Variants in NCOR2 observed in about 807,000 individuals in gnomAD.
The protein encoded by NCOR2 is nuclear receptor corepressor 2.
In NCOR2, 81 loss-of-function variants were observed where a neutral mutation model predicts 262.9. The ratio of observed to expected loss-of-function variants is 0.31; its 90% CI spans 0.26 to 0.37. The LOEUF (loss-of-function observed/expected upper bound fraction) is 0.37, where lower values mean the gene tolerates loss of function less well. Among genes scored for constraint, NCOR2 ranks in the 10% least tolerant of loss-of-function variants. The probability of loss-of-function intolerance (pLI) is 1.00; values close to 1 mark genes in which losing one functional copy is unlikely to be tolerated. For missense variants in NCOR2, 3,385 were observed against 3,621.4 expected (o/e 0.93, Z 1.68); for synonymous variants, 1,659 against 1,559.3 (o/e 1.06, Z -1.51).
intron 6 of NCOR2, among the ~76,000 whole-genome samples, chr12:124,453,674 C>A (rs559885158): frequency 6.6e-6 from 1 of 152,364 alleles, no homozygotes; most frequent in South Asian, 2.1e-4. Flanking sequence ...CAGCCCTCAA[C>A]CCGCTGGTGA....
At chr12:124,394,228 T>C (rs971368278) in intron 16 of NCOR2, among the ~76,000 whole-genome samples, 1 of 152,184 alleles carries the variant, frequency 6.6e-6, no homozygotes, top group Non-Finnish European at 1.5e-5. Context: ...TCGCTCCGTC[T>C]TTAAAGTGCC....
chr12:124,504,361 A>G lies in NCOR2; in HGVS notation c.-117-8993T>C, dbSNP rs2136974409. 6.6e-6 allele frequency among the ~76,000 whole-genome samples: 1 copy of G among 152,324 alleles called. No individual in the cohort carries two copies. Among genetic ancestry groups the G allele is most frequent in the Non-Finnish European group, 1.5e-5 (1 of 68,032 alleles). On this transcript the variant is annotated intron_variant, in intron 1 of 46. Coordinates refer to the NCOR2 transcript ENST00000404621. This position sits in a 1 kb window ranked among gnomAD's most constrained non-coding sequence, Gnocchi z 4.5. Reference sequence around the variant, plus strand: ...TCAGCTCAGCTAAGCCCCAGAGACCAGCTCTTATAAAGAGGGATTTCACAG... The same window carrying G: ...TCAGCTCAGCTAAGCCCCAGAGACCGGCTCTTATAAAGAGGGATTTCACAG...
chr12:124,394,260 C>T (rs1350027853), intron 16 of NCOR2, among the ~76,000 whole-genome samples: 1 of 152,242 alleles, frequency 6.6e-6, no homozygotes, highest in Non-Finnish European at 1.5e-5. Flanking sequence ...GCATCCCTGC[C>T]TCATCTGAGA....
chr12:124,380,019 G>A (rs925929548), intron 17 of NCOR2, among the ~76,000 whole-genome samples: 3 of 152,250 alleles, frequency 2.0e-5, no homozygotes, highest in Non-Finnish European at 2.9e-5. Flanking sequence ...AGAATTGGAA[G>A]AGAATACATC....
At chr12:124,502,907 C>T (rs2048823645) in intron 1 of NCOR2, among the ~76,000 whole-genome samples, 1 of 152,170 alleles carries the variant, frequency 6.6e-6, no homozygotes, top group Non-Finnish European at 1.5e-5. Context: ...GAGAAACGGG[C>T]CTCCACCCAT....
chr12:124,503,617 T>TGGAC lies in NCOR2; in HGVS notation c.-117-8250_-117-8249insGTCC, dbSNP rs1363018363. On this transcript the variant is annotated intron_variant, in intron 1 of 46. Coordinates refer to the NCOR2 transcript ENST00000404621. This position sits in a 1 kb window ranked among gnomAD's most constrained non-coding sequence, Gnocchi z 4.3. ...ATGGATGGATGGACGGACGGACGGA[T>TGGAC]GGATGGATGGATGGATGGGCGAATG... is the stretch of plus-strand genomic sequence containing the variant. Among the ~76,000 whole-genome samples, 2 of 136,942 alleles carry TGGAC rather than the reference T, an allele frequency of 1.5e-5. No homozygotes were observed. Among genetic ancestry groups the TGGAC allele is most frequent in the Non-Finnish European group, 3.2e-5 (2 of 62,728 alleles). The allele number at this position is 136,942 out of a possible 152,430, so 89.8% of individuals were successfully genotyped here.
At chr12:124,372,952 G>C (rs2039619262) in intron 19 of NCOR2, among the ~76,000 whole-genome samples, 1 of 152,238 alleles carries the variant, frequency 6.6e-6, no homozygotes. Context: ...CTTCGTCCTG[G>C]GGGTCTCCAT....
intron 1 of NCOR2, among the ~76,000 whole-genome samples, chr12:124,527,270 G>A (rs559871130): frequency 7.2e-5 from 11 of 152,280 alleles, no homozygotes; most frequent in East Asian, 5.8e-4. Context: ...GGACGCAGAC[G>A]GGGGCAGATG....
At chr12:124,348,280 GTCC>G in exon 29 of NCOR2, 2 of 1,612,590 alleles carry the variant, frequency 1.2e-6, no homozygotes, top group Non-Finnish European at 1.7e-6. Context: ...TGCTTCTGCC[GTCC>G]TCCTTGGAGC....
intron 27 of NCOR2, among the ~76,000 whole-genome samples, chr12:124,351,817 A>G (rs371893898): frequency 6.6e-5 from 10 of 152,270 alleles, no homozygotes; most frequent in South Asian, 6.2e-4. Flanking sequence ...CGGGTCCCCA[A>G]ATCTCAATAT....
chr12:124,371,764 C>T (rs1054107737), intron 20 of NCOR2, among the ~76,000 whole-genome samples: 11 of 152,176 alleles, frequency 7.2e-5, no homozygotes, highest in Non-Finnish European at 1.5e-5. Context: ...CTCTCCCTAG[C>T]GCTGCCCAGG....
rs1260646509 is a variant in NCOR2, at chr12:124,410,913, G to A, written c.1483-8352C>T. Among the ~76,000 whole-genome samples the A allele has an allele frequency of 5.3e-5, 8 of 152,118 alleles. No homozygotes were observed. In the South Asian group the frequency reaches 1.7e-3, roughly 32 times the overall value. Reference sequence around the variant, plus strand: ...AAAGAGCTGGGAGAGGACAGACGGAGGAGGCAGGGGACAGGGGGCTGTAGT... The same window carrying A: ...AAAGAGCTGGGAGAGGACAGACGGAAGAGGCAGGGGACAGGGGGCTGTAGT... On this transcript the variant is annotated intron_variant, in intron 13 of 46. Transcript: ENST00000405201.
At chr12:124,532,934 CT>C (rs1341991297) in intron 1 of NCOR2, among the ~76,000 whole-genome samples, 2 of 41,280 alleles carry the variant, frequency 4.8e-5, no homozygotes, top group Non-Finnish European at 5.0e-5. Context: ...CCTCCTTCCC[CT>C]CCTCCCTCCA....
chr12:124,478,956 G>T (rs1392099734), intron 3 of NCOR2, among the ~76,000 whole-genome samples: 2 of 152,152 alleles, frequency 1.3e-5, no homozygotes, highest in Non-Finnish European at 2.9e-5. Context: ...GACAAGAAGA[G>T]GGAAAGCCAG....
chr12:124,518,364 C>A (rs1223220142), intron 1 of NCOR2: 1 of 152,376 alleles, frequency 6.6e-6, no homozygotes, highest in African/African-American at 2.4e-5. Flanking sequence ...AGGGCGGCCT[C>A]ACCTTCCCGC....
At chr12:124,452,680 C>A (rs561608195) in intron 6 of NCOR2, among the ~76,000 whole-genome samples, 1 of 152,222 alleles carries the variant, frequency 6.6e-6, no homozygotes, top group Non-Finnish European at 1.5e-5. Flanking sequence ...AGTGCTTCTG[C>A]GGCACAGGGC....
intron 19 of NCOR2, 95 bp from the exon 22 acceptor site, chr12:124,372,705 T>G: frequency 8.8e-7 from 1 of 1,134,490 alleles, no homozygotes; most frequent in Non-Finnish European, 1.2e-6. Context: ...GGCCGCTCTG[T>G]CGCCTGATGC....
At chr12:124,455,378 G>A (rs939152132) in intron 6 of NCOR2, among the ~76,000 whole-genome samples, 2 of 152,210 alleles carry the variant, frequency 1.3e-5, no homozygotes, top group African/African-American at 2.4e-5. Context: ...GCCCAGGCCC[G>A]AGGATGTGCC....
At chr12:124,553,334 G>A (rs1223146477) in intron 1 of NCOR2, among the ~76,000 whole-genome samples, 1 of 152,122 alleles carries the variant, frequency 6.6e-6, no homozygotes, top group Non-Finnish European at 1.5e-5. Flanking sequence ...AATCCCCTTT[G>A]CAGCATAAAA....
Sources: gnomAD v4.1 joint callset for allele counts (sites outside exome capture counted in the v4.1 genomes callset) on GRCh38, gnomAD v4.1.1 for gene constraint, Gnocchi (gnomAD v3.1) non-coding constraint, MANE v1.5 for transcripts, NCBI Gene and HGNC (gene_info 2026-07-23, HGNC 2026-07-21) for gene names.